Variants in ANXA2 observed in about 807,000 individuals in gnomAD.
The protein encoded by ANXA2 is annexin A2.
Under a neutral mutation model 47.3 loss-of-function variants are expected in ANXA2, and 28 were observed. That is an observed-to-expected ratio of 0.59 (90% CI 0.44 to 0.81). The LOEUF (loss-of-function observed/expected upper bound fraction) is 0.81, where lower values mean the gene tolerates loss of function less well. ANXA2 is among the 40% of genes least tolerant of loss of function. ANXA2 has a pLI of 0.00. For synonymous variants in ANXA2, 172 were observed against 155.5 expected, an observed-to-expected ratio of 1.11 and a Z score of -0.79; for missense variants, 384 against 414.3, an observed-to-expected ratio of 0.93 and a Z score of 0.64.
At chr15:60,354,916 G>A (rs996916962) in intron 7 of ANXA2, among the ~76,000 whole-genome samples, 3 of 152,156 alleles carry the variant, frequency 2.0e-5, no homozygotes, top group South Asian at 2.1e-4. Flanking sequence ...CACAAAATGC[G>A]GGCGGAGGAA....
rs1895992360 is a variant in ANXA2, at chr15:60,351,187, C to T, written c.837+6G>A. Reference sequence around the variant, plus strand: ...AAACACAGCTCTCTCAGCCAGCTGCCCTTACCTTCATGGAGTCATACAGCC... The same window carrying T: ...AAACACAGCTCTCTCAGCCAGCTGCTCTTACCTTCATGGAGTCATACAGCC... On this transcript the variant is annotated splice_donor_region_variant and intron_variant, in intron 11 of 12. Transcript: ENST00000451270. The T allele has an allele frequency of 1.9e-6, 3 of 1,614,080 alleles. No individual in the cohort carries two copies. Among genetic ancestry groups the T allele is most frequent in the East Asian group, 4.5e-5 (2 of 44,884 alleles).
intron 7 of ANXA2, among the ~76,000 whole-genome samples, chr15:60,354,713 G>C (rs1275562527): frequency 6.6e-6 from 1 of 151,960 alleles, no homozygotes; most frequent in Non-Finnish European, 1.5e-5. Flanking sequence ...AGGAAGTGGG[G>C]GCTGTGCCTT....
rs990363169 is a variant in ANXA2, at chr15:60,354,322, A to G, written c.529-109T>C. The G allele has an allele frequency of 1.4e-5, 13 of 907,292 alleles. No homozygotes were observed. In the African/African-American group the frequency reaches 2.0e-4, roughly 14 times the overall value. 56.2% of individuals were successfully genotyped at this position (907,292 alleles called of 1,614,324 possible). ...CCATTATTTAATTTCCTAAATAAGT[A>G]ACCACGTAAGATTTTTCTTACTTTG... On this transcript the variant is annotated intron_variant, in intron 7 of 12. Coordinates refer to ENST00000451270, the MANE Select transcript of ANXA2 (RefSeq NM_004039.3).
intron 3 of ANXA2, among the ~76,000 whole-genome samples, chr15:60,377,745 G>A (rs1043298356): frequency 6.6e-6 from 1 of 152,124 alleles, no homozygotes; most frequent in Non-Finnish European, 1.5e-5. Context: ...ATGAAGTGAC[G>A]TACGTCTGTT....
chr15:60,364,312 C>A lies in ANXA2; in HGVS notation c.243+117G>T. ...GATTTAAGAAGAAAATCTTAGATAT[C>A]CAAGGGTCCCACAAGTCTTTTGCGC... On this transcript the variant is annotated intron_variant, in intron 4 of 12. Transcript: ENST00000451270. 1.3e-5 allele frequency: 10 copies of A among 772,794 alleles called. No individual in the cohort carries two copies. In the East Asian group the frequency reaches 1.7e-4, roughly 13 times the overall value. 47.9% of individuals were successfully genotyped at this position (772,794 alleles called of 1,614,324 possible).
chr15:60,371,010 T>C (rs2062702882), intron 3 of ANXA2, among the ~76,000 whole-genome samples: 4 of 152,222 alleles, frequency 2.6e-5, no homozygotes, highest in Admixed American at 2.0e-4. Context: ...ACATGAATTC[T>C]GTGATCCAGG....
Position 60,367,296 on chromosome 15 carries a change from G to A in ANXA2, c.149-2773C>T, listed in dbSNP as rs1185076633. Among the ~76,000 whole-genome samples, 9 of 122,928 alleles carry A rather than the reference G, an allele frequency of 7.3e-5. No individual in the cohort carries two copies. In the East Asian group the frequency reaches 8.4e-4, roughly 11 times the overall value. 80.6% of individuals were successfully genotyped at this position (122,928 alleles called of 152,430 possible). On this transcript the variant is annotated intron_variant, in intron 3 of 12. Coordinates refer to ENST00000451270, the MANE Select transcript of ANXA2 (RefSeq NM_004039.3). ...GGATCAGCCCCCCGCCCGGCCAGCCGCCCCGTCCGGGAGGTGAGGGGCGCC... is the reference window on the plus strand; with the variant it reads ...GGATCAGCCCCCCGCCCGGCCAGCCACCCCGTCCGGGAGGTGAGGGGCGCC...
intron 2 of ANXA2, chr15:60,385,470 G>A (rs1016396175): frequency 2.0e-5 from 3 of 152,378 alleles, no homozygotes; most frequent in African/African-American, 7.2e-5. Flanking sequence ...GGAGGCTGAG[G>A]CAGGAGAATT....
intron 11 of ANXA2, among the ~76,000 whole-genome samples, chr15:60,350,769 A>G (rs1409839051): frequency 3.6e-5 from 2 of 55,328 alleles, no homozygotes; most frequent in African/African-American, 2.1e-4. Context: ...TTTATAAAGA[A>G]GATAATCATA....
chr15:60,374,167 A>G (rs753219323), intron 3 of ANXA2, among the ~76,000 whole-genome samples: 1 of 152,158 alleles, frequency 6.6e-6, no homozygotes. Context: ...AGTTCCTTAG[A>G]AAGGATTTAA....
chr15:60,377,830 G>A (rs531118453), intron 3 of ANXA2, among the ~76,000 whole-genome samples: 8 of 152,114 alleles, frequency 5.3e-5, no homozygotes, highest in African/African-American at 1.9e-4. Flanking sequence ...TTTCACACCT[G>A]TAATCCCAGC....
At chr15:60,373,724 T>G (rs2062740165) in intron 3 of ANXA2, among the ~76,000 whole-genome samples, 1 of 152,164 alleles carries the variant, frequency 6.6e-6, no homozygotes, top group Non-Finnish European at 1.5e-5. Flanking sequence ...ATCTCACCCC[T>G]ATAGAACAGA....
intron 1 of ANXA2, chr15:60,392,905 G>T: frequency 1.2e-6 from 1 of 821,110 alleles, no homozygotes; most frequent in Non-Finnish European, 1.6e-6. Context: ...ACACAGTCCT[G>T]GACACACAGT....
At chr15:60,390,634 T>C (rs2062996813) in intron 1 of ANXA2, 2 of 266,644 alleles carry the variant, frequency 7.5e-6, no homozygotes, top group Non-Finnish European at 7.4e-6. Context: ...GCAAACATTT[T>C]CAACTGGGAG....
chr15:60,382,865 T>C (rs1246967841), intron 2 of ANXA2: 2 of 157,100 alleles, frequency 1.3e-5, no homozygotes, highest in Non-Finnish European at 1.4e-5. Context: ...TACATGAATT[T>C]CTACTGGGCC....
Position 60,382,330 on chromosome 15 carries a change from T to G in ANXA2, c.148+12A>C, listed in dbSNP as rs908464445. The G allele has an allele frequency of 9.4e-6, 15 of 1,597,770 alleles. No individual in the cohort carries two copies. Among genetic ancestry groups the G allele is most frequent in the African/African-American group, 1.3e-5 (1 of 74,534 alleles). ...AAGACCCTGACAAGAAGAGGACAAATGTATCACCTACCTTTGGTCTTGATG... is the reference window on the plus strand; with the variant it reads ...AAGACCCTGACAAGAAGAGGACAAAGGTATCACCTACCTTTGGTCTTGATG... On this transcript the variant is annotated intron_variant, in intron 3 of 12. Coordinates refer to ENST00000451270, the MANE Select transcript of ANXA2 (RefSeq NM_004039.3).
At chr15:60,363,743 T>C (rs985497332) in intron 4 of ANXA2, among the ~76,000 whole-genome samples, 32 of 152,144 alleles carry the variant, frequency 2.1e-4, no homozygotes, top group African/African-American at 7.5e-4. Context: ...CCAAATGAAC[T>C]AACAACTAAG....
chr15:60,349,704 A>G (rs1415308678), intron 11 of ANXA2, among the ~76,000 whole-genome samples: 1 of 150,888 alleles, frequency 6.6e-6, no homozygotes, highest in Non-Finnish European at 1.5e-5. Flanking sequence ...TAAGAAAGGA[A>G]AGACAGAGAG....
chr15:60,396,897 T>C (rs551863570), intron 1 of ANXA2, among the ~76,000 whole-genome samples: 31 of 152,328 alleles, frequency 2.0e-4, no homozygotes, highest in Admixed American at 1.6e-3. Context: ...AAAACGGCAA[T>C]CTTACTACAA....
Sources: allele counts gnomAD v4.1 joint callset (sites outside exome capture counted in the v4.1 genomes callset), GRCh38; gene constraint gnomAD v4.1.1; transcripts MANE v1.5; gene names NCBI Gene and HGNC (gene_info 2026-07-23, HGNC 2026-07-21).